Variants in EPHA5 observed in about 807,000 individuals in gnomAD.
The protein encoded by EPHA5 is EPH receptor A5.
Under a neutral mutation model 105.0 loss-of-function variants are expected in EPHA5, and 60 were observed. The observed-to-expected ratio is 0.57, with a 90% CI of 0.46 to 0.71. The LOEUF (loss-of-function observed/expected upper bound fraction) is 0.71, where lower values mean the gene tolerates loss of function less well. Among genes scored for constraint, EPHA5 ranks in the 30% least tolerant of loss-of-function variants. The pLI, the probability that EPHA5 is intolerant of heterozygous loss-of-function variation, is 0.00. For missense variants in EPHA5, 1,218 were observed against 1,274.7 expected, an observed-to-expected ratio of 0.96 and a Z score of 0.68; for synonymous variants, 513 against 449.1, an observed-to-expected ratio of 1.14 and a Z score of -1.80.
At chr4:65,653,191 A>G (rs929532792) in intron 1 of EPHA5, among the ~76,000 whole-genome samples, 1 of 152,082 alleles carries the variant, frequency 6.6e-6, no homozygotes, top group Non-Finnish European at 1.5e-5. Context: ...AAAGTCACAC[A>G]AACTCATAGT....
intron 1 of EPHA5, among the ~76,000 whole-genome samples, chr4:65,643,934 C>A (rs1295771505): frequency 1.3e-5 from 2 of 152,012 alleles, no homozygotes; most frequent in Non-Finnish European, 2.9e-5. Flanking sequence ...TAACAGAAAT[C>A]TGTAATCCAA....
intron 8 of EPHA5, among the ~76,000 whole-genome samples, chr4:65,387,435 G>A (rs1720215808): frequency 6.6e-6 from 1 of 151,940 alleles, no homozygotes; most frequent in Non-Finnish European, 1.5e-5. Flanking sequence ...GAAGCCCCAA[G>A]GCTTAGGCAG....
chr4:65,455,773 T>C (rs1453265935), intron 5 of EPHA5, among the ~76,000 whole-genome samples: 1 of 152,170 alleles, frequency 6.6e-6, no homozygotes, highest in Non-Finnish European at 1.5e-5. Flanking sequence ...CAATCACTGC[T>C]CAATCTAACC....
At chr4:65,652,684 A>C (rs72642684) in intron 1 of EPHA5, among the ~76,000 whole-genome samples, 1 of 151,884 alleles carries the variant, frequency 6.6e-6, no homozygotes, top group African/African-American at 2.4e-5. Context: ...TATGAGATCA[A>C]TTACTGAAAA....
chr4:65,468,385 T>A (rs1728923124), intron 5 of EPHA5, among the ~76,000 whole-genome samples: 1 of 150,698 alleles, frequency 6.6e-6, no homozygotes, highest in Non-Finnish European at 1.5e-5. Context: ...AGGGCAGAAC[T>A]TTGAGTAATA....
At chr4:65,571,978 CTT>C (rs1401071831) in intron 3 of EPHA5, among the ~76,000 whole-genome samples, 2 of 151,852 alleles carry the variant, frequency 1.3e-5, no homozygotes, top group Non-Finnish European at 2.9e-5. Flanking sequence ...AAAATTTTTA[CTT>C]TTTACATCAA....
intron 8 of EPHA5, among the ~76,000 whole-genome samples, chr4:65,370,270 T>C (rs1201136375): frequency 6.6e-6 from 1 of 152,128 alleles, no homozygotes; most frequent in Non-Finnish European, 1.5e-5. Context: ...TCAAGCTAAG[T>C]TTTAAGTTAT....
intron 5 of EPHA5, among the ~76,000 whole-genome samples, chr4:65,479,371 T>A (rs543596049): frequency 3.3e-5 from 5 of 152,308 alleles, no homozygotes; most frequent in African/African-American, 1.2e-4. Context: ...TACACTAATC[T>A]GCTGTTCTAT....
chr4:65,425,101 A>G (rs1020967497), intron 5 of EPHA5, among the ~76,000 whole-genome samples: 1 of 152,124 alleles, frequency 6.6e-6, no homozygotes, highest in African/African-American at 2.4e-5. Context: ...TTTAAGTCTC[A>G]AAGACTAGAG....
chr4:65,525,900 G>T (rs1293058172), intron 3 of EPHA5, among the ~76,000 whole-genome samples: 5 of 151,754 alleles, frequency 3.3e-5, no homozygotes, highest in Admixed American at 2.6e-4. Flanking sequence ...TTTGGTAGGG[G>T]TCGCTGTCTC....
intron 14 of EPHA5, among the ~76,000 whole-genome samples, chr4:65,336,555 T>A (rs1046012092): frequency 3.3e-5 from 5 of 152,104 alleles, no homozygotes; most frequent in Non-Finnish European, 5.9e-5. Context: ...TTTAAAGTAA[T>A]AGAACTGTAA....
At chr4:65,536,387 G>T (rs1296444445) in intron 3 of EPHA5, among the ~76,000 whole-genome samples, 1 of 151,920 alleles carries the variant, frequency 6.6e-6, no homozygotes, top group African/African-American at 2.4e-5. Flanking sequence ...TTATAGGAAA[G>T]CAAATTCTTA....
Position 65,332,075 on chromosome 4 carries a change from G to T in EPHA5, c.2843C>A (p.Ser948Ter). The change falls in exon 16 of 17, where the codon TCA becomes TAA. Residue 948 changes from serine to a stop codon, truncating the protein, a stop_gained. Transcript: ENST00000613740. LOFTEE classifies it high-confidence loss of function. The stretch of plus-strand genomic sequence containing the variant: ...GATTGCCTCTAGCCATTCACCTACT[G>T]ATCTGTAGGCCCCAGATCCTAGTGG... ...HSPLGSGAYR[S>*]VGEWLEAIKM... 1 of 1,611,300 alleles carries T rather than the reference G, an allele frequency of 6.2e-7. No homozygotes were observed.
At chr4:65,328,642 T>C (rs1304901240) in intron 16 of EPHA5, among the ~76,000 whole-genome samples, 1 of 25,834 alleles carries the variant, frequency 3.9e-5, no homozygotes, top group Non-Finnish European at 2.1e-4. Context: ...CAGTTGTATG[T>C]TTGTCATTTT....
chr4:65,336,407 A>T (rs1173229431), intron 14 of EPHA5, among the ~76,000 whole-genome samples: 1 of 152,126 alleles, frequency 6.6e-6, no homozygotes, highest in African/African-American at 2.4e-5. Flanking sequence ...GGTGATTTGT[A>T]AAATTAATTG....
chr4:65,394,386 C>T (rs1269277849), intron 8 of EPHA5, among the ~76,000 whole-genome samples: 5 of 152,206 alleles, frequency 3.3e-5, no homozygotes, highest in Admixed American at 3.3e-4. Flanking sequence ...GAGCTGGGTT[C>T]ATGGTCCAGG....
intron 15 of EPHA5, among the ~76,000 whole-genome samples, chr4:65,333,296 C>A (rs1347404781): frequency 6.6e-6 from 1 of 151,728 alleles, no homozygotes; most frequent in Non-Finnish European, 1.5e-5. Flanking sequence ...TACTTTCTCA[C>A]ATTCCATTTA....
chr4:65,631,139 T>C (rs922158266), intron 2 of EPHA5, among the ~76,000 whole-genome samples: 2 of 152,154 alleles, frequency 1.3e-5, no homozygotes, highest in African/African-American at 4.8e-5. Context: ...TGTAAGCCTA[T>C]CATCAAAAAA....
At chr4:65,662,295 A>G (rs1004198451) in intron 1 of EPHA5, among the ~76,000 whole-genome samples, 2 of 152,286 alleles carry the variant, frequency 1.3e-5, no homozygotes, top group South Asian at 2.1e-4. Context: ...TGTTCTTGCA[A>G]AGCATATGTA....
Sources: allele counts gnomAD v4.1 joint callset (sites outside exome capture counted in the v4.1 genomes callset), GRCh38; gene constraint gnomAD v4.1.1; transcripts MANE v1.5; gene names NCBI Gene and HGNC (gene_info 2026-07-23, HGNC 2026-07-21).